Variants in FRMD4B observed in about 807,000 individuals in gnomAD.
FRMD4B encodes FERM domain-containing protein 4B.
A neutral mutation model predicts 141.5 loss-of-function variants in FRMD4B; 74 were observed. That is an observed-to-expected ratio of 0.52 (90% confidence interval 0.43 to 0.63). FRMD4B has a LOEUF of 0.63. Ranked by LOEUF, FRMD4B falls within the 30% of genes least tolerant of loss-of-function variation. The pLI is 0.00. For synonymous variants in FRMD4B, 506 were observed against 467.9 expected (o/e 1.08, Z -1.05); for missense variants, 1,366 against 1,253.4 (o/e 1.09, Z -1.36).
chr3:69,339,247 C>T (rs1043412694), intron 1 of FRMD4B, among the ~76,000 whole-genome samples: 2 of 151,912 alleles, frequency 1.3e-5, no homozygotes, highest in Non-Finnish European at 2.9e-5. Context: ...ATAATCAGTT[C>T]TATCATTAAC....
At chr3:69,455,240 A>C (rs1433955260) in intron 1 of FRMD4B, among the ~76,000 whole-genome samples, 4 of 152,254 alleles carry the variant, frequency 2.6e-5, no homozygotes, top group South Asian at 2.1e-4. Flanking sequence ...AGCTAAGGGA[A>C]TAAAAGCAGG....
intron 2 of FRMD4B, among the ~76,000 whole-genome samples, chr3:69,391,226 T>C (rs1237750944): frequency 6.7e-6 from 1 of 149,668 alleles, no homozygotes; most frequent in East Asian, 1.9e-4. Flanking sequence ...TCATTTCATT[T>C]ATTTATTATT....
chr3:69,272,544 ATGAGT>A (rs1006571016), intron 5 of FRMD4B, among the ~76,000 whole-genome samples: 1 of 152,226 alleles, frequency 6.6e-6, no homozygotes, highest in African/African-American at 2.4e-5. Context: ...AAATCTTGAA[ATGAGT>A]TGAGGATTAA....
chr3:69,175,066 C>A (rs773006929), intron 22 of FRMD4B, among the ~76,000 whole-genome samples: 61 of 151,646 alleles, frequency 4.0e-4, no homozygotes, highest in Non-Finnish European at 7.2e-4. Context: ...CCACTGAATG[C>A]GGAGGAAAAA....
At chr3:69,258,205 A>G (rs1298533013) in intron 5 of FRMD4B, among the ~76,000 whole-genome samples, 1 of 152,106 alleles carries the variant, frequency 6.6e-6, no homozygotes, top group East Asian at 1.9e-4. Context: ...GGCTCAAGCA[A>G]TCCTCCTCCC....
intron 12 of FRMD4B, chr3:69,198,460 C>T (rs2092930759): frequency 8.6e-6 from 4 of 465,962 alleles, no homozygotes; most frequent in Admixed American, 3.8e-5. Context: ...GATGTGTCGG[C>T]ATTGGAACCA....
At chr3:69,446,841 C>G (rs945672493) in intron 1 of FRMD4B, among the ~76,000 whole-genome samples, 12 of 152,286 alleles carry the variant, frequency 7.9e-5, no homozygotes, top group African/African-American at 2.9e-4. Context: ...TTGGAGACAT[C>G]AGTCAAATGA....
intron 1 of FRMD4B, among the ~76,000 whole-genome samples, chr3:69,504,853 T>C (rs1424100635): frequency 1.3e-5 from 2 of 152,330 alleles, no homozygotes; most frequent in Non-Finnish European, 2.9e-5. Context: ...CTTTTGGATA[T>C]TAGACACTTT....
intron 1 of FRMD4B, among the ~76,000 whole-genome samples, chr3:69,338,222 C>A (rs1702618760): frequency 6.6e-6 from 1 of 152,164 alleles, no homozygotes; most frequent in Non-Finnish European, 1.5e-5. Flanking sequence ...AAACCAAACT[C>A]CACGTGTTCT....
At chr3:69,513,220 T>C (rs1486508971) in intron 1 of FRMD4B, among the ~76,000 whole-genome samples, 4 of 151,926 alleles carry the variant, frequency 2.6e-5, no homozygotes, top group Non-Finnish European at 5.9e-5. Flanking sequence ...AGGAAAGAGA[T>C]GTTAGAAGCA....
chr3:69,286,760 G>A (rs9869548), intron 5 of FRMD4B, among the ~76,000 whole-genome samples: 1,939 of 152,266 alleles, frequency 0.013, 48 homozygotes, highest in African/African-American at 0.044. Context: ...ATGCTAGTCT[G>A]CAAAGAGAAA....
At position 69,257,688 on chromosome 3, in the gene FRMD4B, G is replaced by GTC. The variant is rs1559757266; in HGVS notation, c.502-7591_502-7590dup. On this transcript the variant is annotated intron_variant, in intron 5 of 22. Coordinates refer to ENST00000398540, the MANE Select transcript of FRMD4B (RefSeq NM_015123.3). ...TGGCTTTTTTTTTTCTTGAGACAGA[G>GTC]TCTCTCTCTGTCACCCAGGCTGGAA... Among the ~76,000 whole-genome samples the GTC allele has an allele frequency of 3.3e-5, 5 of 151,556 alleles. No individual in the cohort carries two copies. In the South Asian group the frequency reaches 8.3e-4, roughly 25 times the overall value.
chr3:69,276,982 G>A (rs1221063101), intron 5 of FRMD4B, among the ~76,000 whole-genome samples: 3 of 152,202 alleles, frequency 2.0e-5, no homozygotes, highest in Non-Finnish European at 4.4e-5. Flanking sequence ...GATACGTTAA[G>A]AGCATGTTTT....
intron 7 of FRMD4B, among the ~76,000 whole-genome samples, chr3:69,239,381 T>G (rs1354748386): frequency 2.0e-5 from 3 of 152,208 alleles, no homozygotes; most frequent in African/African-American, 7.2e-5. Context: ...CCCATCTGCA[T>G]GCTTGATGGG....
intron 1 of FRMD4B, among the ~76,000 whole-genome samples, chr3:69,440,993 C>T (rs1705333301): frequency 6.6e-6 from 1 of 151,824 alleles, no homozygotes; most frequent in Admixed American, 6.6e-5. Context: ...ACCTTTTTTT[C>T]CTGAAGCAGA....
intron 16 of FRMD4B, among the ~76,000 whole-genome samples, chr3:69,194,300 T>A (rs984854120): frequency 2.0e-5 from 3 of 152,222 alleles, no homozygotes; most frequent in African/African-American, 4.8e-5. Flanking sequence ...TCAGTTTTTT[T>A]CATTTGTAAA....
At chr3:69,209,103 C>G (rs9863613) in intron 11 of FRMD4B, among the ~76,000 whole-genome samples, 103,073 of 150,720 alleles carry the variant, frequency 0.68, 36,829 homozygotes, top group Non-Finnish European at 0.79. Context: ...AAGATCACGC[C>G]ACTGCACTCC....
intron 1 of FRMD4B, among the ~76,000 whole-genome samples, chr3:69,506,943 A>G (rs748528965): frequency 6.6e-6 from 1 of 152,182 alleles, no homozygotes; most frequent in East Asian, 1.9e-4. Context: ...CCAAGGTGTT[A>G]ATTTCAGAGA....
intron 11 of FRMD4B, among the ~76,000 whole-genome samples, chr3:69,203,621 A>G (rs1320244358): frequency 2.0e-5 from 3 of 152,216 alleles, no homozygotes; most frequent in South Asian, 2.1e-4. Flanking sequence ...GCTGTGTTGT[A>G]TTTGGCAAGC....
Sources: gnomAD v4.1 joint callset for allele counts (sites outside exome capture counted in the v4.1 genomes callset) on GRCh38, gnomAD v4.1.1 for gene constraint, MANE v1.5 for transcripts, NCBI Gene and HGNC (gene_info 2026-07-23, HGNC 2026-07-21) for gene names.